CTNNA3: variants seen among roughly 807,000 people sequenced by gnomAD.
CTNNA3 encodes catenin alpha-3.
In CTNNA3, 76 loss-of-function variants were observed where a neutral mutation model predicts 95.7. The observed-to-expected ratio is 0.79, with a 90% CI of 0.66 to 0.96. CTNNA3 has a LOEUF of 0.96. Among genes scored for constraint, CTNNA3 ranks in the 40% least tolerant of loss-of-function variants. The probability of loss-of-function intolerance (pLI) is 0.00; values close to 1 mark genes in which losing one functional copy is unlikely to be tolerated. For synonymous variants in CTNNA3, 431 were observed against 374.4 expected, an observed-to-expected ratio of 1.15 and a Z score of -1.74; for missense variants, 1,191 against 1,089.8, an observed-to-expected ratio of 1.09 and a Z score of -1.31.
In CTNNA3 at chr10:66,358,321, T is replaced by C. The variant is rs373461529; in HGVS notation, c.1732+20831A>G. On this transcript the variant is annotated intron_variant, in intron 12 of 17. Transcript: ENST00000433211. ...TTGGTGTGCACTTCCCAGATTCAGC[T>C]TGCAGAAGAGTCTAAGCCAGGAAAT... is the stretch of plus-strand genomic sequence containing the variant. 1.1e-4 allele frequency among the ~76,000 whole-genome samples: 16 copies of C among 151,960 alleles called. No individual in the cohort carries two copies. The East Asian group carries it at 2.9e-3, about 28-fold the overall frequency.
At chr10:66,234,935 G>A (rs934764528) in intron 13 of CTNNA3, among the ~76,000 whole-genome samples, 7 of 152,284 alleles carry the variant, frequency 4.6e-5, no homozygotes, top group African/African-American at 1.7e-4. Flanking sequence ...GCTATGCTGT[G>A]TCCTGTTCTT....
chr10:66,204,802 T>C (rs760747498), intron 13 of CTNNA3, among the ~76,000 whole-genome samples: 2 of 152,200 alleles, frequency 1.3e-5, no homozygotes, highest in South Asian at 2.1e-4. Context: ...GAATTACTAA[T>C]GTCTATTCAA....
chr10:66,989,906 T>C (rs1180669065), intron 7 of CTNNA3, among the ~76,000 whole-genome samples: 2 of 152,174 alleles, frequency 1.3e-5, no homozygotes, highest in African/African-American at 4.8e-5. Flanking sequence ...CCACAGTTCC[T>C]GGCATTTAGT....
intron 15 of CTNNA3, among the ~76,000 whole-genome samples, chr10:66,039,306 T>C (rs917923671): frequency 3.3e-5 from 5 of 152,200 alleles, no homozygotes; most frequent in African/African-American, 1.2e-4. Flanking sequence ...AAAGTAGCCA[T>C]ACTGGCCGAA....
intron 7 of CTNNA3, among the ~76,000 whole-genome samples, chr10:67,138,064 G>C (rs1377817391): frequency 2.0e-5 from 3 of 152,028 alleles, no homozygotes; most frequent in Non-Finnish European, 1.5e-5. Context: ...ATTATAACAG[G>C]AAGAGACTTC....
intron 5 of CTNNA3, among the ~76,000 whole-genome samples, chr10:67,259,364 A>G (rs1866497317): frequency 6.6e-6 from 1 of 152,172 alleles, no homozygotes; most frequent in Non-Finnish European, 1.5e-5. Flanking sequence ...ACATAAATCT[A>G]AAACATCAAA....
intron 5 of CTNNA3, among the ~76,000 whole-genome samples, chr10:67,468,402 T>G (rs1847684451): frequency 6.6e-6 from 1 of 152,114 alleles, no homozygotes; most frequent in Admixed American, 6.5e-5. Context: ...GAAAAATAAT[T>G]TAAAAGTTTT....
At chr10:66,509,038 A>T (rs1050510957) in intron 11 of CTNNA3, among the ~76,000 whole-genome samples, 1 of 151,890 alleles carries the variant, frequency 6.6e-6, no homozygotes, top group African/African-American at 2.4e-5. Context: ...CTGCATCAAC[A>T]CCAGCGTTTG....
chr10:67,317,452 A>G (rs1841107272), intron 5 of CTNNA3, among the ~76,000 whole-genome samples: 1 of 126,040 alleles, frequency 7.9e-6, no homozygotes, highest in Non-Finnish European at 1.6e-5. Context: ...TTTGAGATTG[A>G]GTCTCTCCCT....
chr10:67,301,137 G>A (rs1478450188), intron 5 of CTNNA3, among the ~76,000 whole-genome samples: 1 of 152,186 alleles, frequency 6.6e-6, no homozygotes, highest in East Asian at 1.9e-4. Flanking sequence ...GAAGAGATGG[G>A]AAACTCTTTC....
chr10:67,450,047 G>C (rs1209625206), intron 5 of CTNNA3, among the ~76,000 whole-genome samples: 1 of 152,126 alleles, frequency 6.6e-6, no homozygotes, highest in Non-Finnish European at 1.5e-5. Flanking sequence ...ATGAAAAAAA[G>C]CTCAATATCA....
intron 11 of CTNNA3, among the ~76,000 whole-genome samples, chr10:66,488,918 T>G (rs1234895974): frequency 1.3e-5 from 2 of 152,006 alleles, no homozygotes; most frequent in East Asian, 3.9e-4. Context: ...CTTTTTTTTT[T>G]GGTGTGTCAA....
chr10:67,212,532 G>A (rs1340684888), intron 6 of CTNNA3, among the ~76,000 whole-genome samples: 1 of 151,874 alleles, frequency 6.6e-6, no homozygotes, highest in African/African-American at 2.4e-5. Flanking sequence ...ATGGCCTCAT[G>A]TCTAAGTTTA....
intron 1 of CTNNA3, among the ~76,000 whole-genome samples, 174 bp from the exon 2 acceptor site, chr10:67,647,692 C>T (rs188493915): frequency 6.6e-6 from 1 of 152,150 alleles, no homozygotes; most frequent in African/African-American, 2.4e-5. Flanking sequence ...AAGATATTCC[C>T]CAACTGTTCC....
chr10:66,394,135 T>C (rs1205480037), intron 11 of CTNNA3, among the ~76,000 whole-genome samples: 1 of 152,042 alleles, frequency 6.6e-6, no homozygotes, highest in African/African-American at 2.4e-5. Flanking sequence ...TAATCATCTA[T>C]GCATTTTAGA....
Position 66,449,727 on chromosome 10 carries a change from T to C in CTNNA3, c.1532-70375A>G, listed in dbSNP as rs542997150. On this transcript the variant is annotated intron_variant, in intron 11 of 17. Coordinates refer to ENST00000433211, the MANE Select transcript of CTNNA3 (RefSeq NM_013266.4). ...ACACCATCATCTTAGAAAAACCATT[T>C]AATGACTCAAAGTCCGGCAATATAT... Among the ~76,000 whole-genome samples the C allele has an allele frequency of 1.3e-3, 203 of 152,024 alleles. 1 individual carries two copies. Among genetic ancestry groups the C allele is most frequent in the Non-Finnish European group, 2.4e-3 (164 of 67,976 alleles).
intron 16 of CTNNA3, among the ~76,000 whole-genome samples, chr10:65,975,386 G>A (rs1335251849): frequency 6.6e-6 from 1 of 151,824 alleles, no homozygotes; most frequent in Non-Finnish European, 1.5e-5. Context: ...TATGGAGAAA[G>A]AAAAGAAAAA....
At chr10:66,444,873 A>C (rs1170233352) in intron 11 of CTNNA3, among the ~76,000 whole-genome samples, 1 of 152,182 alleles carries the variant, frequency 6.6e-6, no homozygotes, top group African/African-American at 2.4e-5. Flanking sequence ...AAAGACACAG[A>C]CTGGCAAATT....
At chr10:67,280,952 T>A (rs1211272470) in intron 5 of CTNNA3, among the ~76,000 whole-genome samples, 1 of 152,200 alleles carries the variant, frequency 6.6e-6, no homozygotes, top group East Asian at 1.9e-4. Flanking sequence ...GTCTGTCTAT[T>A]GTCAGTTTAT....
Sources: allele counts gnomAD v4.1 joint callset (sites outside exome capture counted in the v4.1 genomes callset), GRCh38; gene constraint gnomAD v4.1.1; transcripts MANE v1.5; gene names NCBI Gene and HGNC (gene_info 2026-07-23, HGNC 2026-07-21).